The following IGFL2 variants were observed in gnomAD, a reference collection of about 807,000 sequenced individuals.
IGFL2 encodes IGF like family member 2.
IGFL2 carries 7 observed loss-of-function variants against 13.9 expected under a neutral mutation model. The ratio of observed to expected loss-of-function variants is 0.51; its 90% CI spans 0.29 to 0.95. The LOEUF (loss-of-function observed/expected upper bound fraction) is 0.95, where lower values mean the gene tolerates loss of function less well. IGFL2 is among the 40% of genes least tolerant of loss of function. The pLI, the probability that IGFL2 is intolerant of heterozygous loss-of-function variation, is 0.08. For synonymous variants in IGFL2, 55 were observed against 55.8 expected (o/e 0.99, Z 0.07); for missense variants, 138 against 147.8 (o/e 0.93, Z 0.34).
At chr19:46,169,066 G>A in the IGFL2 span, among the ~76,000 whole-genome samples, 1 of 151,984 alleles carries the variant, frequency 6.6e-6, no homozygotes. Context: ...AATTAGCCAG[G>A]TCTGGTGGCA....
At chr19:46,100,092 A>G in the IGFL2 span, among the ~76,000 whole-genome samples, 1 of 152,064 alleles carries the variant, frequency 6.6e-6, no homozygotes, top group African/African-American at 2.4e-5. Flanking sequence ...AGCAAAGTTT[A>G]TTACCTACTT....
chr19:46,158,858 T>C (rs1394101434), intron 1 of IGFL2, among the ~76,000 whole-genome samples: 1 of 152,102 alleles, frequency 6.6e-6, no homozygotes, highest in Non-Finnish European at 1.5e-5. Context: ...CCCCCACAAG[T>C]TGTGGCAGCA....
the IGFL2 span, among the ~76,000 whole-genome samples, chr19:46,080,320 G>A: frequency 9.9e-5 from 15 of 152,050 alleles, no homozygotes; most frequent in African/African-American, 3.6e-4. Context: ...AATCACTTGA[G>A]GCCAGGAGTT....
At chr19:46,086,050 C>A in the IGFL2 span, among the ~76,000 whole-genome samples, 1 of 151,960 alleles carries the variant, frequency 6.6e-6, no homozygotes, top group Non-Finnish European at 1.5e-5. Context: ...CTTCAAAAGA[C>A]CCATCTTTAA....
downstream of IGFL2, chr19:46,161,311 C>A: frequency 3.0e-5 from 11 of 369,756 alleles, no homozygotes; most frequent in Middle Eastern, 5.1e-4. Flanking sequence ...CCAATGTCGT[C>A]TCCTTTCTTT....
chr19:46,114,284 A>G, the IGFL2 span, among the ~76,000 whole-genome samples: 3 of 152,320 alleles, frequency 2.0e-5, no homozygotes, highest in African/African-American at 7.2e-5. Context: ...CCCCATGCCA[A>G]CAGCCTCCAA....
At chr19:46,189,085 TA>T in the IGFL2 span, 1 of 159,788 alleles carries the variant, frequency 6.3e-6, no homozygotes. Flanking sequence ...CAGTGACCAG[TA>T]GTGGCCCCGA....
the IGFL2 span, among the ~76,000 whole-genome samples, chr19:46,123,498 T>C: frequency 6.6e-6 from 1 of 150,872 alleles, no homozygotes; most frequent in Admixed American, 6.6e-5. Context: ...TTTTGACCAA[T>C]TGTTCCCTGC....
chr19:46,208,447 G>A, the IGFL2 span: 1 of 152,182 alleles, frequency 6.6e-6, no homozygotes, highest in African/African-American at 2.4e-5. Flanking sequence ...GCTGTCCTGG[G>A]CAGTTTCTCT....
upstream of IGFL2, chr19:46,147,814 A>G (rs1050597148): frequency 6.4e-6 from 1 of 155,920 alleles, no homozygotes; most frequent in African/African-American, 2.4e-5. Context: ...TGTTTCTCAT[A>G]GTGCAGGTCT....
the IGFL2 span, among the ~76,000 whole-genome samples, chr19:46,166,621 GGGAGACT>G: frequency 6.6e-6 from 1 of 152,192 alleles, no homozygotes; most frequent in Non-Finnish European, 1.5e-5. Flanking sequence ...GGAGCGCTAT[GGGAGACT>G]GGAGTTTATT....
chr19:46,121,405 AAAAAG>A, the IGFL2 span, among the ~76,000 whole-genome samples: 1 of 148,636 alleles, frequency 6.7e-6, no homozygotes, highest in African/African-American at 2.5e-5. Flanking sequence ...AAAAAAAAAA[AAAAAG>A]AAGAAGAAAA....
intron 1 of IGFL2, among the ~76,000 whole-genome samples, chr19:46,151,451 C>CTA (rs1211769075): frequency 5.3e-5 from 8 of 152,182 alleles, no homozygotes; most frequent in Admixed American, 2.0e-4. Context: ...ATTCATTGAT[C>CTA]TATATGTCTA....
At chr19:46,125,014 A>G in the IGFL2 span, among the ~76,000 whole-genome samples, 1 of 152,088 alleles carries the variant, frequency 6.6e-6, no homozygotes, top group Non-Finnish European at 1.5e-5. Flanking sequence ...ACAGTGCCCA[A>G]CTAAGCTCCA....
At chr19:46,152,669 T>G (rs1464616437) in intron 1 of IGFL2, among the ~76,000 whole-genome samples, 1 of 152,246 alleles carries the variant, frequency 6.6e-6, no homozygotes. Flanking sequence ...TCATTTTATC[T>G]TCTTGCCTAA....
the IGFL2 span, chr19:46,214,121 C>G: frequency 6.6e-6 from 1 of 152,470 alleles, no homozygotes; most frequent in Non-Finnish European, 1.5e-5. Context: ...CCTCCACCTT[C>G]CCCCAACGCG....
At chr19:46,097,885 A>G in the IGFL2 span, among the ~76,000 whole-genome samples, 5 of 152,084 alleles carry the variant, frequency 3.3e-5, no homozygotes, top group Non-Finnish European at 5.9e-5. Flanking sequence ...TTGTGATTTC[A>G]GTTCCTTTGC....
the IGFL2 span, among the ~76,000 whole-genome samples, chr19:46,117,743 T>C: frequency 6.6e-6 from 1 of 152,180 alleles, no homozygotes; most frequent in African/African-American, 2.4e-5. Context: ...CCTCCCAAAG[T>C]GGTGGGATTA....
At chr19:46,178,623 A>G in the IGFL2 span, among the ~76,000 whole-genome samples, 1 of 152,218 alleles carries the variant, frequency 6.6e-6, no homozygotes, top group Non-Finnish European at 1.5e-5. Context: ...TTTCATCTAC[A>G]TAAAAAGAAC....
Sources: gnomAD v4.1 joint callset for allele counts (sites outside exome capture counted in the v4.1 genomes callset) on GRCh38, gnomAD v4.1.1 for gene constraint, MANE v1.5 for transcripts, NCBI Gene and HGNC (gene_info 2026-07-23, HGNC 2026-07-21) for gene names.